Variants in PRR16 observed in about 807,000 individuals in gnomAD.
PRR16 encodes protein Largen.
A neutral mutation model predicts 18.2 loss-of-function variants in PRR16; 6 were observed. The ratio of observed to expected loss-of-function variants is 0.33; its 90% CI spans 0.18 to 0.65. The LOEUF is 0.65. PRR16 is among the 30% of genes least tolerant of loss of function. PRR16 has a pLI of 0.74. For synonymous variants in PRR16, 151 were observed against 147.8 expected, an observed-to-expected ratio of 1.02 and a Z score of -0.16; for missense variants, 412 against 376.6, an observed-to-expected ratio of 1.09 and a Z score of -0.78.
At chr5:120,484,726 C>G (rs983337262) in intron 1 of PRR16, among the ~76,000 whole-genome samples, 3 of 148,660 alleles carry the variant, frequency 2.0e-5, no homozygotes, top group African/African-American at 7.4e-5. Context: ...ATCATTTTTT[C>G]CATCAATGTT....
chr5:120,734,467 T>TA, the PRR16 span, among the ~76,000 whole-genome samples: 4 of 152,114 alleles, frequency 2.6e-5, no homozygotes, highest in Admixed American at 1.3e-4. Context: ...TAGAACTTAG[T>TA]AAAAAAATGT....
At chr5:120,783,370 T>A in the PRR16 span, among the ~76,000 whole-genome samples, 2 of 152,116 alleles carry the variant, frequency 1.3e-5, no homozygotes, top group African/African-American at 4.8e-5. Context: ...ATTCTATATA[T>A]ATCCACATAA....
intron 1 of PRR16, among the ~76,000 whole-genome samples, chr5:120,513,018 G>T (rs1401171181): frequency 6.6e-6 from 1 of 152,108 alleles, no homozygotes; most frequent in Admixed American, 6.5e-5. Context: ...TGGTCACTCC[G>T]GAACTGTCAT....
intron 1 of PRR16, among the ~76,000 whole-genome samples, chr5:120,598,066 C>A (rs1293388486): frequency 1.3e-5 from 2 of 151,776 alleles, no homozygotes; most frequent in African/African-American, 4.8e-5. Flanking sequence ...TAATATTGTC[C>A]ATGAAGATCT....
chr5:120,522,644 C>T (rs558370914), intron 1 of PRR16, among the ~76,000 whole-genome samples: 76 of 152,252 alleles, frequency 5.0e-4, no homozygotes, highest in African/African-American at 1.6e-3. Context: ...CTCATTCTGT[C>T]GCCCAGGCTG....
chr5:120,611,411 C>A (rs1399633592), intron 1 of PRR16, among the ~76,000 whole-genome samples: 1 of 152,102 alleles, frequency 6.6e-6, no homozygotes, highest in East Asian at 1.9e-4. Flanking sequence ...TCACAGCAGC[C>A]CCTGCCATCA....
chr5:120,505,407 G>T (rs1750607061), intron 1 of PRR16, among the ~76,000 whole-genome samples: 1 of 151,266 alleles, frequency 6.6e-6, no homozygotes, highest in Non-Finnish European at 1.5e-5. Flanking sequence ...GTTGCCTCCT[G>T]CTTGGGCAGG....
the PRR16 span, among the ~76,000 whole-genome samples, chr5:120,754,177 A>C: frequency 1.0e-4 from 2 of 19,922 alleles, no homozygotes; most frequent in African/African-American, 3.4e-4. Context: ...ATATAAATAT[A>C]AATATATAAT....
chr5:120,686,030 C>G lies in PRR16; in HGVS notation c.236C>G (p.Thr79Arg). Residue 79 changes from threonine to arginine, a missense_variant, in exon 2 of 2, where the codon ACG becomes AGG. Physicochemically the swap from Thr to Arg is moderately conservative, Grantham distance 71 (BLOSUM62 -1). Transcript: ENST00000407149. The part of the protein sequence containing the change: ...DEMTDSSKTD[T>R]LNSSSSGTTA... ...ATGACTGACAGCTCCAAAACGGACA[C>G]GCTGAATAGTAGCTCAAGTGGCACA... 6.2e-7 allele frequency: 1 copy of G among 1,614,130 alleles called. No individual in the cohort carries two copies. The highest frequency in any genetic ancestry group is 8.5e-7 in the Non-Finnish European group (1 of 1,180,000).
intron 1 of PRR16, among the ~76,000 whole-genome samples, chr5:120,570,996 C>T (rs564807197): frequency 1.8e-4 from 27 of 152,114 alleles, no homozygotes; most frequent in African/African-American, 6.0e-4. Flanking sequence ...GGATGTTAGG[C>T]CAAGCTGGAA....
At chr5:120,568,879 A>G (rs1456810050) in intron 1 of PRR16, among the ~76,000 whole-genome samples, 2 of 152,128 alleles carry the variant, frequency 1.3e-5, no homozygotes, top group African/African-American at 2.4e-5. Flanking sequence ...ACAGTAAAAT[A>G]TTTTTGGAAT....
chr5:120,660,046 A>AT (rs779549065), intron 1 of PRR16, among the ~76,000 whole-genome samples: 10 of 152,016 alleles, frequency 6.6e-5, no homozygotes, highest in Non-Finnish European at 1.3e-4. Context: ...CTCCATCCAG[A>AT]TTGAGTGTGG....
At chr5:120,773,112 A>T in the PRR16 span, among the ~76,000 whole-genome samples, 1 of 152,150 alleles carries the variant, frequency 6.6e-6, no homozygotes, top group African/African-American at 2.4e-5. Flanking sequence ...CACAGACTCC[A>T]ACCTGACTTG....
the PRR16 span, among the ~76,000 whole-genome samples, chr5:120,715,614 C>G: frequency 6.6e-6 from 1 of 152,104 alleles, no homozygotes; most frequent in Non-Finnish European, 1.5e-5. Flanking sequence ...AATTCAAATA[C>G]CAAATTATTT....
intron 1 of PRR16, among the ~76,000 whole-genome samples, chr5:120,582,526 G>A (rs1282939827): frequency 1.3e-5 from 2 of 151,488 alleles, no homozygotes; most frequent in Non-Finnish European, 2.9e-5. Context: ...AAGAACCAAA[G>A]CAAAACAAAT....
chr5:120,773,712 A>T, the PRR16 span, among the ~76,000 whole-genome samples: 3 of 152,114 alleles, frequency 2.0e-5, no homozygotes, highest in Non-Finnish European at 2.9e-5. Flanking sequence ...TGGAGAGGGA[A>T]TGTCCACTAG....
chr5:120,645,382 A>AT (rs1190242541), intron 1 of PRR16, among the ~76,000 whole-genome samples: 1 of 92,856 alleles, frequency 1.1e-5, no homozygotes, highest in African/African-American at 3.9e-5. Flanking sequence ...ATACCCACCC[A>AT]TCCCCCCCCC....
In PRR16 at chr5:120,685,989, A is replaced by C; in HGVS notation, c.195A>C (p.Leu65=). 5.0e-6 allele frequency: 8 copies of C among 1,614,016 alleles called. No individual in the cohort carries two copies. Among genetic ancestry groups the C allele is most frequent in the Non-Finnish European group, 6.8e-6 (8 of 1,179,936 alleles). ...AGATTGACACCCTGACCTCTGACCT[A>C]CAGCTGGAGGATGAGATGACTGACA... ...VDQIDTLTSD[L]QLEDEMTDSS... is the part of the protein sequence containing the mutation. Residue 65 remains leucine, a synonymous_variant, in exon 2 of 2, where the codon CTA becomes CTC. Transcript: ENST00000407149.
At chr5:120,522,343 GACTTTTTA>G (rs1350854950) in intron 1 of PRR16, among the ~76,000 whole-genome samples, 16 of 152,214 alleles carry the variant, frequency 1.1e-4, no homozygotes, top group African/African-American at 3.4e-4. Flanking sequence ...GTTGTTTCCT[GACTTTTTA>G]ATGATAGCCA....
Sources: gnomAD v4.1 joint callset for allele counts (sites outside exome capture counted in the v4.1 genomes callset) on GRCh38, gnomAD v4.1.1 for gene constraint, MANE v1.5 for transcripts, NCBI Gene and HGNC (gene_info 2026-07-23, HGNC 2026-07-21) for gene names.